ZCWPW2: variants seen among roughly 807,000 people sequenced by gnomAD.
ZCWPW2 encodes zinc finger CW-type and PWWP domain containing 2, also known as zinc finger CW-type PWWP domain protein 2.
ZCWPW2 carries 45 observed loss-of-function variants against 46.6 expected under a neutral mutation model. The observed-to-expected ratio is 0.96, with a 90% CI of 0.76 to 1.24. The LOEUF (loss-of-function observed/expected upper bound fraction) is 1.24. Among genes scored for constraint, ZCWPW2 ranks in the 50% most tolerant of loss-of-function variants. ZCWPW2 has a pLI of 0.00. For missense variants in ZCWPW2, 429 were observed against 403.9 expected, an observed-to-expected ratio of 1.06 and a Z score of -0.53; for synonymous variants, 152 against 137.1, an observed-to-expected ratio of 1.11 and a Z score of -0.76.
chr3:28,463,357 T>A (rs993853097), intron 4 of ZCWPW2, among the ~76,000 whole-genome samples: 1 of 152,084 alleles, frequency 6.6e-6, no homozygotes, highest in Admixed American at 6.6e-5. Context: ...TCATCTGGAG[T>A]TACTGGTATT....
chr3:28,358,756 C>T (rs1384918868), intron 1 of ZCWPW2, among the ~76,000 whole-genome samples: 1 of 151,956 alleles, frequency 6.6e-6, no homozygotes, highest in Admixed American at 6.6e-5. Flanking sequence ...ACTAAGAATC[C>T]TCTGAAATCT....
intron 4 of ZCWPW2, among the ~76,000 whole-genome samples, chr3:28,454,256 A>G (rs1422947715): frequency 6.6e-6 from 1 of 152,176 alleles, no homozygotes; most frequent in Non-Finnish European, 1.5e-5. Flanking sequence ...TGACATATAT[A>G]TTGCATTAAT....
At position 28,376,415 on chromosome 3, in the gene ZCWPW2, T is replaced by A. The variant is rs150206698; in HGVS notation, c.-133-14083T>A. On this transcript the variant is annotated intron_variant, in intron 1 of 9. Transcript: ENST00000383768. ...CCATATCTTTACAGATTGCTCTAGC[T>A]ATTTTTTGGATAGATTTATGTTTGG... Among the ~76,000 whole-genome samples, 204 of 152,280 alleles carry A rather than the reference T, an allele frequency of 1.3e-3. 1 individual carries two copies. Among genetic ancestry groups the A allele is most frequent in the Middle Eastern group, 6.8e-3 (2 of 294 alleles).
At chr3:28,478,785 A>G (rs546949639) in intron 4 of ZCWPW2, 29 bp from the exon 5 acceptor site, 2 of 1,268,122 alleles carry the variant, frequency 1.6e-6, no homozygotes, top group Admixed American at 2.8e-5. Flanking sequence ...TTAAAAATGA[A>G]TTTTTTTCTT....
rs1405382975 is a variant in ZCWPW2 at position 28,413,130 on chromosome 3, T to A, written c.62T>A (p.Val21Glu). The A allele has an allele frequency of 6.2e-7, 1 of 1,613,070 alleles. No homozygotes were observed. The highest frequency in any genetic ancestry group is 1.1e-5 in the South Asian group (1 of 91,046). The change falls in exon 3 of 10, where the codon GTG (valine) becomes GAG (glutamate). Residue 21 changes from valine to glutamate, a missense_variant. Transcript: ENST00000383768. Reference protein sequence around the residue: ...EYCNYAMDSSVENMYVNKVWV... With the variant: ...EYCNYAMDSSEENMYVNKVWV... ...TGTAACTATGCAATGGATTCCTCAG[T>A]GGAAAACATGTATGTAAACAAAGTG...
intron 6 of ZCWPW2, among the ~76,000 whole-genome samples, chr3:28,510,385 G>T (rs1700394984): frequency 6.6e-6 from 1 of 152,084 alleles, no homozygotes; most frequent in South Asian, 2.1e-4. Context: ...TTCCAACGTA[G>T]TCCTTAAGAG....
intron 4 of ZCWPW2, among the ~76,000 whole-genome samples, chr3:28,436,000 C>G (rs1383421236): frequency 6.6e-6 from 1 of 152,066 alleles, no homozygotes; most frequent in Admixed American, 6.6e-5. Context: ...TATACTAACT[C>G]CTTCAGTATC....
intron 3 of ZCWPW2, among the ~76,000 whole-genome samples, chr3:28,433,789 A>G (rs987838856): frequency 6.6e-6 from 1 of 151,514 alleles, no homozygotes; most frequent in Non-Finnish European, 1.5e-5. Flanking sequence ...AAAAACAAAA[A>G]AAACTTACTT....
At chr3:28,377,260 C>T (rs890521473) in intron 1 of ZCWPW2, among the ~76,000 whole-genome samples, 7 of 151,962 alleles carry the variant, frequency 4.6e-5, no homozygotes, top group Non-Finnish European at 1.0e-4. Flanking sequence ...TCCATTTTTA[C>T]ATTCTAATTT....
At chr3:28,406,485 A>G (rs550029568) in intron 2 of ZCWPW2, among the ~76,000 whole-genome samples, 29 of 152,324 alleles carry the variant, frequency 1.9e-4, no homozygotes, top group African/African-American at 6.7e-4. Context: ...AAGTCTATTC[A>G]TGTAGAGGCA....
chr3:28,420,179 A>G (rs575272699), intron 3 of ZCWPW2, among the ~76,000 whole-genome samples: 308 of 151,390 alleles, frequency 2.0e-3, no homozygotes, highest in Middle Eastern at 7.0e-3. Context: ...GCCTTCTGCT[A>G]GCTTTTGAAT....
intron 4 of ZCWPW2, among the ~76,000 whole-genome samples, chr3:28,438,586 A>G (rs1697592358): frequency 6.6e-6 from 1 of 152,196 alleles, no homozygotes; most frequent in African/African-American, 2.4e-5. Flanking sequence ...TTTCAAACTT[A>G]CCACATTATT....
chr3:28,397,556 G>A (rs1404838371), intron 2 of ZCWPW2, among the ~76,000 whole-genome samples: 6 of 152,110 alleles, frequency 3.9e-5, no homozygotes, highest in Admixed American at 3.9e-4. Flanking sequence ...TGTAGTCTCA[G>A]CTACTTGGGA....
At chr3:28,380,685 A>G (rs1695014373) in intron 1 of ZCWPW2, among the ~76,000 whole-genome samples, 1 of 151,882 alleles carries the variant, frequency 6.6e-6, no homozygotes, top group South Asian at 2.1e-4. Flanking sequence ...TTATCTGATT[A>G]TTTAGGTTGA....
At chr3:28,461,368 T>A (rs1015165948) in intron 4 of ZCWPW2, among the ~76,000 whole-genome samples, 2 of 152,036 alleles carry the variant, frequency 1.3e-5, no homozygotes, top group Non-Finnish European at 2.9e-5. Flanking sequence ...TAGACACACA[T>A]TTTTTTCAAG....
intron 4 of ZCWPW2, chr3:28,448,128 G>A: frequency 5.1e-6 from 1 of 194,488 alleles, no homozygotes; most frequent in Non-Finnish European, 1.1e-5. Context: ...TTAAAAAAAA[G>A]ATCAAAATTG....
In ZCWPW2 at chr3:28,409,556, A is replaced by G. The variant is rs928266799; in HGVS notation, c.-13-3500A>G. 2.0e-5 allele frequency among the ~76,000 whole-genome samples: 3 copies of G among 152,204 alleles called. No homozygotes were observed. The East Asian group carries it at 5.8e-4, about 29-fold the overall frequency. Reference sequence around the variant, plus strand: ...TGATAATTATGACAAATTTTGAGGTATAAATGCAAAATAGAACTATGATGC... The same window carrying G: ...TGATAATTATGACAAATTTTGAGGTGTAAATGCAAAATAGAACTATGATGC... On this transcript the variant is annotated intron_variant, in intron 2 of 9. Coordinates refer to ENST00000383768, the MANE Select transcript of ZCWPW2 (RefSeq NM_001040432.4).
intron 6 of ZCWPW2, among the ~76,000 whole-genome samples, chr3:28,492,922 G>A (rs1699865874): frequency 1.3e-5 from 2 of 151,914 alleles, no homozygotes. Context: ...TCAAGGGAAG[G>A]TCAAGTGTAA....
chr3:28,374,567 T>C (rs1486793005), intron 1 of ZCWPW2, among the ~76,000 whole-genome samples: 2 of 152,166 alleles, frequency 1.3e-5, no homozygotes, highest in Admixed American at 6.5e-5. Context: ...CTTTGGGTAG[T>C]GTTATCATTT....
Sources: allele counts gnomAD v4.1 joint callset (sites outside exome capture counted in the v4.1 genomes callset), GRCh38; gene constraint gnomAD v4.1.1; transcripts MANE v1.5; gene names NCBI Gene and HGNC (gene_info 2026-07-23, HGNC 2026-07-21).